The following L3MBTL4 variants were observed in gnomAD, a reference collection of about 807,000 sequenced individuals.
L3MBTL4 encodes the protein L3MBTL histone methyl-lysine binding protein 4, also known as lethal(3)malignant brain tumor-like protein 4.
A neutral mutation model predicts 84.5 loss-of-function variants in L3MBTL4; 70 were observed. That is an observed-to-expected ratio of 0.83 (90% CI 0.68 to 1.01). The LOEUF is 1.01. Ranked by LOEUF, L3MBTL4 falls within the 50% of genes least tolerant of loss-of-function variation. The pLI, the probability that L3MBTL4 is intolerant of heterozygous loss-of-function variation, is 0.00. For synonymous variants in L3MBTL4, 274 were observed against 259.8 expected (o/e 1.05, Z -0.52); for missense variants, 715 against 754.8 (o/e 0.95, Z 0.62).
At chr18:6,395,513 T>TTA in intron 1 of L3MBTL4, 1 of 152,254 alleles carries the variant, frequency 6.6e-6, no homozygotes, top group East Asian at 1.9e-4. Flanking sequence ...CTAAGTAAAA[T>TTA]GATGTGTCTG....
intron 16 of L3MBTL4, among the ~76,000 whole-genome samples, chr18:6,022,430 A>G (rs1428173773): frequency 6.6e-6 from 1 of 152,220 alleles, no homozygotes; most frequent in Non-Finnish European, 1.5e-5. Flanking sequence ...CAATGCTTTT[A>G]AAGTCATTTT....
chr18:6,148,390 G>T (rs2042743143), intron 13 of L3MBTL4, among the ~76,000 whole-genome samples: 1 of 152,124 alleles, frequency 6.6e-6, no homozygotes, highest in Non-Finnish European at 1.5e-5. Context: ...GGATAAAATT[G>T]TGAGAGGTCC....
chr18:6,326,974 G>A (rs909976308), intron 1 of L3MBTL4, among the ~76,000 whole-genome samples: 1 of 152,038 alleles, frequency 6.6e-6, no homozygotes, highest in African/African-American at 2.4e-5. Flanking sequence ...GAAAATAACT[G>A]TAAAAGAATA....
chr18:6,323,901 A>G (rs2051566621), intron 1 of L3MBTL4, among the ~76,000 whole-genome samples: 1 of 151,828 alleles, frequency 6.6e-6, no homozygotes. Flanking sequence ...AAAGCATTTC[A>G]GAGACATTCC....
chr18:6,256,264 A>T (rs529593607), intron 5 of L3MBTL4, among the ~76,000 whole-genome samples: 1 of 152,332 alleles, frequency 6.6e-6, no homozygotes, highest in East Asian at 1.9e-4. Context: ...AGATAGAAAA[A>T]TTCCATTTTT....
At chr18:6,226,376 A>C (rs2046783652) in intron 10 of L3MBTL4, among the ~76,000 whole-genome samples, 1 of 152,226 alleles carries the variant, frequency 6.6e-6, no homozygotes, top group South Asian at 2.1e-4. Context: ...ATTGCACTCC[A>C]GACTGAGGAA....
At chr18:6,338,640 A>C (rs1335022196) in intron 1 of L3MBTL4, among the ~76,000 whole-genome samples, 1 of 151,990 alleles carries the variant, frequency 6.6e-6, no homozygotes, top group East Asian at 1.9e-4. Flanking sequence ...AATATGAACA[A>C]ATGTCATTAA....
At chr18:6,263,889 A>T in intron 5 of L3MBTL4, 58 bp downstream of exon 5, 2 of 1,163,116 alleles carry the variant, frequency 1.7e-6, no homozygotes, top group Non-Finnish European at 2.6e-6. Flanking sequence ...CATTTCATTT[A>T]AACTAAACCT....
intron 1 of L3MBTL4, among the ~76,000 whole-genome samples, chr18:6,359,407 T>G (rs933631299): frequency 6.6e-6 from 1 of 152,192 alleles, no homozygotes; most frequent in Admixed American, 6.5e-5. Context: ...ATCATGCCAC[T>G]GCATTCCAGC....
At chr18:6,280,438 C>T (rs2049274842) in intron 4 of L3MBTL4, among the ~76,000 whole-genome samples, 1 of 152,106 alleles carries the variant, frequency 6.6e-6, no homozygotes, top group South Asian at 2.1e-4. Flanking sequence ...AGCTGTTAGA[C>T]CTAATGACTG....
chr18:5,988,633 A>ACAATATATGTATATAT (rs1273378403), intron 16 of L3MBTL4, among the ~76,000 whole-genome samples: 1 of 152,092 alleles, frequency 6.6e-6, no homozygotes, highest in Non-Finnish European at 1.5e-5. Context: ...CAGAGTAATG[A>ACAATATATGTATATAT]GTCAATATAT....
intron 4 of L3MBTL4, among the ~76,000 whole-genome samples, chr18:6,275,541 G>A (rs1348249633): frequency 1.3e-5 from 2 of 152,180 alleles, no homozygotes; most frequent in African/African-American, 4.8e-5. Flanking sequence ...AACAGGGAAT[G>A]TGTGCTGATG....
chr18:6,369,048 TAA>T (rs34169311), intron 1 of L3MBTL4, among the ~76,000 whole-genome samples: 5 of 138,242 alleles, frequency 3.6e-5, no homozygotes, highest in Non-Finnish European at 3.1e-5. Context: ...TCTCAAAAAT[TAA>T]AAAAAAAAAA....
chr18:6,192,086 T>A (rs1459098629), intron 12 of L3MBTL4, among the ~76,000 whole-genome samples: 11 of 149,320 alleles, frequency 7.4e-5, no homozygotes, highest in South Asian at 4.2e-4. Flanking sequence ...ATAGAAGGTG[T>A]GTGAGAAGGA....
intron 4 of L3MBTL4, among the ~76,000 whole-genome samples, chr18:6,301,361 T>G (rs2146827506): frequency 1.3e-5 from 2 of 152,302 alleles, no homozygotes; most frequent in Middle Eastern, 6.8e-3. Context: ...ATATGTGGAA[T>G]GTATATTTCC....
intron 16 of L3MBTL4, chr18:6,030,291 A>T: frequency 1.0e-6 from 1 of 985,386 alleles, no homozygotes; most frequent in Non-Finnish European, 1.2e-6. Context: ...CACCAAATGC[A>T]CAAATCAATA....
chr18:5,967,518 C>G (rs1175152388), intron 17 of L3MBTL4, among the ~76,000 whole-genome samples: 1 of 152,226 alleles, frequency 6.6e-6, no homozygotes. Context: ...TAGATACATT[C>G]CATTTTTTTT....
At position 5,956,069 on chromosome 18, in the gene L3MBTL4, C is replaced by T. The variant is rs1039972146; in HGVS notation, c.*151G>A. 4.2e-6 allele frequency: 3 copies of T among 719,702 alleles called. No individual in the cohort carries two copies. The highest frequency in any genetic ancestry group is 2.5e-5 in the East Asian group (1 of 39,270). 44.6% of individuals were successfully genotyped at this position (719,702 alleles called of 1,614,324 possible). A position where few individuals can be genotyped will look rare whatever the true frequency, so the allele number is the denominator to read the frequency against. Reference sequence around the variant, plus strand: ...TGGCACTGGACCAGTCATCAAAATCCTCTAAACATGTAAACAAATCACAGA... The same window carrying T: ...TGGCACTGGACCAGTCATCAAAATCTTCTAAACATGTAAACAAATCACAGA... On this transcript the variant is annotated 3_prime_UTR_variant, in exon 19 of 19. Transcript: ENST00000317931.
At chr18:6,327,855 T>C (rs1169284340) in intron 1 of L3MBTL4, among the ~76,000 whole-genome samples, 4 of 152,228 alleles carry the variant, frequency 2.6e-5, no homozygotes, top group Non-Finnish European at 5.9e-5. Flanking sequence ...ATTTTATACG[T>C]TCTCATATTT....
Sources: allele counts gnomAD v4.1 joint callset (sites outside exome capture counted in the v4.1 genomes callset), GRCh38; gene constraint gnomAD v4.1.1; transcripts MANE v1.5; gene names NCBI Gene and HGNC (gene_info 2026-07-23, HGNC 2026-07-21).